Variants in PHLPP1 observed in about 807,000 individuals in gnomAD.
PHLPP1 encodes the protein PH domain and leucine rich repeat protein phosphatase 1.
A neutral mutation model predicts 117.2 loss-of-function variants in PHLPP1; 42 were observed. The observed-to-expected ratio is 0.36, with a 90% confidence interval of 0.28 to 0.46. The LOEUF is 0.46. PHLPP1 is among the 20% of genes least tolerant of loss of function. The pLI is 1.00. For synonymous variants in PHLPP1, 1,042 were observed against 970.7 expected (o/e 1.07, Z -1.37); for missense variants, 2,084 against 2,241.9 (o/e 0.93, Z 1.42).
At chr18:62,719,537 A>G (rs908589720) in intron 1 of PHLPP1, among the ~76,000 whole-genome samples, 21 of 152,222 alleles carry the variant, frequency 1.4e-4, no homozygotes, top group African/African-American at 5.1e-4. Context: ...GTGTTCCAAC[A>G]GAATATAGGA....
chr18:62,853,242 G>A (rs2144355089), intron 3 of PHLPP1, among the ~76,000 whole-genome samples: 1 of 152,228 alleles, frequency 6.6e-6, no homozygotes, highest in South Asian at 2.1e-4. Flanking sequence ...ACCTGAGCAG[G>A]TAGTTGGAAA....
At chr18:62,767,833 A>G (rs1314268476) in intron 1 of PHLPP1, among the ~76,000 whole-genome samples, 1 of 152,220 alleles carries the variant, frequency 6.6e-6, no homozygotes, top group Non-Finnish European at 1.5e-5. Flanking sequence ...AATAGAGTAC[A>G]ATAGCAGAAA....
rs760573448 is a variant in PHLPP1, at chr18:62,978,882, G to A, written c.4605G>A (p.Thr1535=). The A allele has an allele frequency of 2.7e-5, 44 of 1,606,694 alleles. No individual in the cohort carries two copies. The highest frequency in any genetic ancestry group is 3.5e-5 in the Non-Finnish European group (41 of 1,176,760). ...NSFQRQLSSA[T]FSSAFSDNGL... ...TCCAGCGCCAGCTATCCAGCGCCAC[G>A]TTCTCTAGCGCCTTCTCCGACAACG... The change falls in exon 17 of 17, where the codon ACG becomes ACA. Residue 1535 remains threonine (T), a synonymous_variant. Coordinates refer to ENST00000262719, the MANE Select transcript of PHLPP1 (RefSeq NM_194449.4). The surrounding 1 kb of genome is among the most constrained non-coding windows in gnomAD (Gnocchi z 7.0).
chr18:62,896,102 G>A (rs1234320902), intron 6 of PHLPP1, 91 bp downstream of exon 6: 1 of 731,066 alleles, frequency 1.4e-6, no homozygotes, highest in Non-Finnish European at 2.3e-6. Context: ...AAACAAGCTG[G>A]GTAATTGAAT....
At chr18:62,824,587 C>T (rs1337438107) in intron 1 of PHLPP1, among the ~76,000 whole-genome samples, 1 of 151,970 alleles carries the variant, frequency 6.6e-6, no homozygotes, top group African/African-American at 2.4e-5. Context: ...TACATCATAT[C>T]TTATTTTATA....
chr18:62,893,347 G>A (rs902716501), intron 4 of PHLPP1, among the ~76,000 whole-genome samples: 2 of 152,090 alleles, frequency 1.3e-5, no homozygotes, highest in Admixed American at 1.3e-4. Flanking sequence ...ACCTGGCTGA[G>A]GATAAGCATT....
chr18:62,902,878 C>A, intron 6 of PHLPP1, 86 bp from the exon 7 acceptor site: 1 of 802,180 alleles, frequency 1.2e-6, no homozygotes, highest in South Asian at 1.6e-5. Context: ...GAACTGAGTT[C>A]TTTCTCGCTA....
At chr18:62,766,606 C>G (rs142176520) in intron 1 of PHLPP1, among the ~76,000 whole-genome samples, 13 of 152,222 alleles carry the variant, frequency 8.5e-5, no homozygotes, top group Non-Finnish European at 1.9e-4. Context: ...TTAGCCAAGA[C>G]CACTCAACTA....
At chr18:62,852,111 C>G (rs945777905) in intron 3 of PHLPP1, among the ~76,000 whole-genome samples, 1 of 151,480 alleles carries the variant, frequency 6.6e-6, no homozygotes. Context: ...ATCTCCTGGA[C>G]TCAAGTGGTC....
chr18:62,871,237 G>A (rs1228387582), intron 4 of PHLPP1, among the ~76,000 whole-genome samples: 1 of 152,158 alleles, frequency 6.6e-6, no homozygotes, highest in Non-Finnish European at 1.5e-5. Context: ...TGATAGCAAA[G>A]CTGTATGAAC....
chr18:62,892,119 G>A (rs1349627022), intron 4 of PHLPP1, among the ~76,000 whole-genome samples: 2 of 79,220 alleles, frequency 2.5e-5, no homozygotes, highest in Non-Finnish European at 4.4e-5. Context: ...ACGGAGTTTT[G>A]CTCCTGTCAC....
At chr18:62,959,195 G>A (rs1251683874) in intron 13 of PHLPP1, among the ~76,000 whole-genome samples, 3 of 152,254 alleles carry the variant, frequency 2.0e-5, no homozygotes, top group East Asian at 3.9e-4. Context: ...AACCTTAAAG[G>A]TCTGCAGTAG....
intron 4 of PHLPP1, among the ~76,000 whole-genome samples, chr18:62,882,609 T>C (rs1916197281): frequency 6.6e-6 from 1 of 152,166 alleles, no homozygotes; most frequent in Non-Finnish European, 1.5e-5. Context: ...TACACATTTT[T>C]AAAAGTACTT....
At chr18:62,923,491 AG>A (rs1477628665) in intron 10 of PHLPP1, among the ~76,000 whole-genome samples, 1 of 152,200 alleles carries the variant, frequency 6.6e-6, no homozygotes, top group Admixed American at 6.5e-5. Context: ...TATCTTGGGC[AG>A]ACAGGATTAT....
At chr18:62,880,207 T>G (rs1217475630) in intron 4 of PHLPP1, among the ~76,000 whole-genome samples, 6 of 139,804 alleles carry the variant, frequency 4.3e-5, no homozygotes, top group Admixed American at 2.8e-4. Flanking sequence ...GGTGTTAGGG[T>G]TTTTTTTTTT....
chr18:62,882,946 T>TAAAAAAAAAAAAAAAAAAAAA (rs35265223), intron 4 of PHLPP1, among the ~76,000 whole-genome samples: 2 of 121,510 alleles, frequency 1.6e-5, no homozygotes, highest in Admixed American at 8.6e-5. Context: ...GACCACATCT[T>TAAAAAAAAAAAAAAAAAAAAA]AAAAAAAAAA....
intron 1 of PHLPP1, among the ~76,000 whole-genome samples, chr18:62,824,418 C>T (rs1199387911): frequency 6.6e-6 from 1 of 152,044 alleles, no homozygotes; most frequent in Non-Finnish European, 1.5e-5. Flanking sequence ...TGAACTCTTG[C>T]AACAACATGG....
chr18:62,949,275 A>G (rs1443279721), intron 12 of PHLPP1, among the ~76,000 whole-genome samples: 1 of 152,246 alleles, frequency 6.6e-6, no homozygotes, highest in African/African-American at 2.4e-5. Flanking sequence ...GTGATTATTC[A>G]TAGCTTTGTT....
intron 1 of PHLPP1, among the ~76,000 whole-genome samples, chr18:62,759,202 C>T (rs1294751361): frequency 1.3e-5 from 2 of 152,142 alleles, no homozygotes; most frequent in African/African-American, 4.8e-5. Context: ...TCAGATGGCC[C>T]TGTCATTCAG....
Sources: gnomAD v4.1 joint callset for allele counts (sites outside exome capture counted in the v4.1 genomes callset) on GRCh38, gnomAD v4.1.1 for gene constraint, Gnocchi (gnomAD v3.1) non-coding constraint, MANE v1.5 for transcripts, NCBI Gene and HGNC (gene_info 2026-07-23, HGNC 2026-07-21) for gene names.